Variants in ASTN2 observed in about 807,000 individuals in gnomAD.
The protein encoded by ASTN2 is astrotactin 2.
In ASTN2, 54 loss-of-function variants were observed where a neutral mutation model predicts 139.8. That is an observed-to-expected ratio of 0.39 (90% confidence interval 0.31 to 0.48). The LOEUF (loss-of-function observed/expected upper bound fraction) is 0.48. Among genes scored for constraint, ASTN2 ranks in the 20% least tolerant of loss-of-function variants. ASTN2 has a pLI of 0.95. For synonymous variants in ASTN2, 756 were observed against 719.5 expected (o/e 1.05, Z -0.81); for missense variants, 1,565 against 1,725.1 (o/e 0.91, Z 1.64).
intron 2 of ASTN2, among the ~76,000 whole-genome samples, chr9:117,215,686 C>A (rs1454260655): frequency 6.6e-6 from 1 of 152,024 alleles, no homozygotes; most frequent in East Asian, 1.9e-4. Context: ...CTGTCATGAG[C>A]TTGAAGTTGA....
intron 10 of ASTN2, among the ~76,000 whole-genome samples, chr9:116,873,140 C>T (rs532244235): frequency 6.6e-6 from 1 of 152,154 alleles, no homozygotes; most frequent in East Asian, 1.9e-4. Flanking sequence ...ACTTAATCCT[C>T]CCCCAAAACA....
chr9:116,766,863 A>C (rs771723634), intron 13 of ASTN2, among the ~76,000 whole-genome samples: 5 of 151,702 alleles, frequency 3.3e-5, no homozygotes, highest in Non-Finnish European at 5.9e-5. Context: ...CTTCATACTC[A>C]CACATAAACA....
chr9:117,274,414 C>T (rs1312737411), intron 2 of ASTN2, among the ~76,000 whole-genome samples: 3 of 152,138 alleles, frequency 2.0e-5, no homozygotes, highest in Non-Finnish European at 4.4e-5. Flanking sequence ...AATCTGAGGG[C>T]TTCCCAAGCT....
intron 11 of ASTN2, among the ~76,000 whole-genome samples, chr9:116,827,857 G>A (rs1249391493): frequency 6.6e-6 from 1 of 152,134 alleles, no homozygotes; most frequent in Non-Finnish European, 1.5e-5. Context: ...CCAAAAAAAT[G>A]AGGAAGAGGA....
intron 13 of ASTN2, among the ~76,000 whole-genome samples, chr9:116,764,324 T>G (rs1258259350): frequency 6.6e-6 from 1 of 152,154 alleles, no homozygotes; most frequent in Non-Finnish European, 1.5e-5. Context: ...AGTATCAAGA[T>G]CTAAATGTCT....
At chr9:116,914,050 G>A (rs903395758) in intron 10 of ASTN2, among the ~76,000 whole-genome samples, 1 of 149,220 alleles carries the variant, frequency 6.7e-6, no homozygotes, top group Admixed American at 6.8e-5. Context: ...ATGCAGAGGT[G>A]TGGAGCCTGG....
intron 19 of ASTN2, among the ~76,000 whole-genome samples, chr9:116,589,189 G>T (rs1001976925): frequency 2.0e-5 from 3 of 152,198 alleles, no homozygotes; most frequent in South Asian, 4.1e-4. Context: ...TAGGAGGAAT[G>T]AAAGAGAGCT....
At chr9:117,391,877 G>A (rs1006784275) in intron 1 of ASTN2, among the ~76,000 whole-genome samples, 2 of 152,156 alleles carry the variant, frequency 1.3e-5, no homozygotes, top group East Asian at 3.9e-4. Context: ...CCAAATGGGA[G>A]AAATTGGCCA....
At chr9:117,394,921 G>C (rs539080075) in intron 1 of ASTN2, among the ~76,000 whole-genome samples, 1 of 152,250 alleles carries the variant, frequency 6.6e-6, no homozygotes, top group Admixed American at 6.5e-5. Flanking sequence ...GTATCTACTT[G>C]AAGAAAGAAA....
At chr9:117,115,897 C>T (rs1048410826) in intron 4 of ASTN2, among the ~76,000 whole-genome samples, 7 of 151,470 alleles carry the variant, frequency 4.6e-5, no homozygotes, top group Non-Finnish European at 8.8e-5. Flanking sequence ...TAGTGGTGGG[C>T]GCCTGTAGTC....
chr9:117,362,190 T>C (rs569509199), intron 1 of ASTN2, among the ~76,000 whole-genome samples: 1 of 152,278 alleles, frequency 6.6e-6, no homozygotes, highest in African/African-American at 2.4e-5. Context: ...GCCAGGCTGG[T>C]CTCAAACTCC....
chr9:116,989,586 G>T lies in ASTN2; in HGVS notation c.1592-12801C>A, dbSNP rs1219436440. 1.3e-3 allele frequency among the ~76,000 whole-genome samples: 176 copies of T among 137,292 alleles called. 1 individual carries two copies. The highest frequency in any genetic ancestry group is 3.8e-3 in the African/African-American group (141 of 36,712). The allele number at this position is 137,292 out of a possible 152,430, so 90.1% of individuals were successfully genotyped here. A position where few individuals can be genotyped will look rare whatever the true frequency, so the allele number is the denominator to read the frequency against. ...TAATCTCATTTCTGATTATATTTGG[G>T]TTTTTTTTTTTTTTTTGATGAAGTT... is the stretch of plus-strand genomic sequence containing the variant. On this transcript the variant is annotated intron_variant, in intron 7 of 22. Transcript: ENST00000313400.
At chr9:117,285,422 C>T (rs1012003013) in intron 2 of ASTN2, among the ~76,000 whole-genome samples, 11 of 151,412 alleles carry the variant, frequency 7.3e-5, no homozygotes, top group South Asian at 2.1e-4. Context: ...AAAAACGTCA[C>T]GGTTGGAGCA....
At chr9:117,331,884 C>T (rs1248753322) in intron 1 of ASTN2, among the ~76,000 whole-genome samples, 4 of 152,182 alleles carry the variant, frequency 2.6e-5, no homozygotes, top group South Asian at 2.1e-4. Context: ...CCTCTTTCTA[C>T]AGCCTTCTTA....
At chr9:117,257,177 T>G (rs1431854640) in intron 2 of ASTN2, among the ~76,000 whole-genome samples, 1 of 152,322 alleles carries the variant, frequency 6.6e-6, no homozygotes, top group Non-Finnish European at 1.5e-5. Flanking sequence ...CATTTGATTT[T>G]GATGAAGAAA....
intron 2 of ASTN2, among the ~76,000 whole-genome samples, chr9:117,225,535 G>GTATGTGTATATATATATATA (rs369914209): frequency 6.3e-5 from 4 of 63,962 alleles, no homozygotes; most frequent in African/African-American, 1.7e-4. Context: ...CAAGCTGTAT[G>GTATGTGTATATATATATATA]TATATATATA....
At chr9:116,887,827 C>A (rs1367138148) in intron 10 of ASTN2, among the ~76,000 whole-genome samples, 1 of 151,988 alleles carries the variant, frequency 6.6e-6, no homozygotes, top group Non-Finnish European at 1.5e-5. Context: ...ACCACCACAT[C>A]CAGCTAAGTT....
intron 19 of ASTN2, among the ~76,000 whole-genome samples, chr9:116,578,329 T>C (rs970352321): frequency 4.0e-4 from 61 of 152,126 alleles, no homozygotes; most frequent in Admixed American, 3.9e-3. Context: ...AAACTCTGTT[T>C]TTCTGATTCT....
chr9:117,257,009 A>C (rs12375865), intron 2 of ASTN2, among the ~76,000 whole-genome samples: 7 of 152,206 alleles, frequency 4.6e-5, no homozygotes, highest in Admixed American at 1.3e-4. Context: ...GGAATATTTG[A>C]AAGCATTCTT....
Sources: allele counts gnomAD v4.1 joint callset (sites outside exome capture counted in the v4.1 genomes callset), GRCh38; gene constraint gnomAD v4.1.1; transcripts MANE v1.5; gene names NCBI Gene and HGNC (gene_info 2026-07-23, HGNC 2026-07-21).